The following KATNA1 variants were observed in gnomAD, a reference collection of about 807,000 sequenced individuals.
The protein encoded by KATNA1 is katanin p60 ATPase-containing subunit A1.
KATNA1 carries 42 observed loss-of-function variants against 62.6 expected under a neutral mutation model. The ratio of observed to expected loss-of-function variants is 0.67; its 90% confidence interval spans 0.52 to 0.87. KATNA1 has a LOEUF of 0.87. Ranked by LOEUF, KATNA1 falls within the 40% of genes least tolerant of loss-of-function variation. KATNA1 has a pLI of 0.00. For missense variants in KATNA1, 498 were observed against 612.5 expected, an observed-to-expected ratio of 0.81 and a Z score of 1.97; for synonymous variants, 186 against 201.9, an observed-to-expected ratio of 0.92 and a Z score of 0.67.
In KATNA1 at chr6:149,638,730, G is replaced by GTTTTTTT. The variant is rs1217719467; in HGVS notation, c.-13-177_-13-171dup. On this transcript the variant is annotated intron_variant, in intron 1 of 10. Transcript: ENST00000367411. ...ATTTCACTCCTTTAAAAAAAACATT[G>GTTTTTTT]TTTTTTTTTTTTTTTTTTTTTTTTG... The GTTTTTTT allele has an allele frequency of 8.7e-4, 87 of 99,824 alleles. 4 individuals carry two copies. The highest frequency in any genetic ancestry group is 2.0e-3 in the African/African-American group (40 of 20,024). 6.2% of individuals were successfully genotyped at this position (99,824 alleles called of 1,614,324 possible). A position where few individuals can be genotyped will look rare whatever the true frequency, so the allele number is the denominator to read the frequency against.
At chr6:149,629,727 A>C (rs1779760604) in intron 3 of KATNA1, among the ~76,000 whole-genome samples, 1 of 152,228 alleles carries the variant, frequency 6.6e-6, no homozygotes, top group African/African-American at 2.4e-5. Flanking sequence ...TGAAAAAAGA[A>C]GGGAAAAAAC....
At chr6:149,606,018 C>T (rs1404123802) in intron 4 of KATNA1, among the ~76,000 whole-genome samples, 2 of 152,072 alleles carry the variant, frequency 1.3e-5, no homozygotes, top group African/African-American at 2.4e-5. Flanking sequence ...CCTCGGCCTC[C>T]CAAAGTGCTG....
At chr6:149,629,343 ACT>A (rs1157949957) in intron 3 of KATNA1, among the ~76,000 whole-genome samples, 1 of 151,900 alleles carries the variant, frequency 6.6e-6, no homozygotes, top group Non-Finnish European at 1.5e-5. Context: ...GAGCTTACTC[ACT>A]CTCTCTGTCA....
At chr6:149,597,482 T>C in intron 9 of KATNA1, 25 bp downstream of exon 9, 1 of 1,608,278 alleles carries the variant, frequency 6.2e-7, no homozygotes, top group Non-Finnish European at 8.5e-7. Flanking sequence ...TAACAGGCTT[T>C]CTGACAAGAT....
chr6:149,616,715 T>C (rs1369687190), intron 4 of KATNA1, among the ~76,000 whole-genome samples: 3 of 151,834 alleles, frequency 2.0e-5, no homozygotes, highest in Admixed American at 6.6e-5. Context: ...GATCGCGCCA[T>C]TGCACTCCAG....
intron 3 of KATNA1, among the ~76,000 whole-genome samples, chr6:149,628,179 G>C (rs1249026416): frequency 3.3e-5 from 5 of 151,038 alleles, no homozygotes; most frequent in Non-Finnish European, 5.9e-5. Context: ...CTCACTGCAA[G>C]CTCCGCCTCC....
chr6:149,613,309 C>T (rs1483667474), intron 4 of KATNA1, among the ~76,000 whole-genome samples: 1 of 146,730 alleles, frequency 6.8e-6, no homozygotes, highest in African/African-American at 2.5e-5. Context: ...GGAACAGGAA[C>T]ACAGCAAGGA....
chr6:149,645,303 C>T (rs1180599990), intron 1 of KATNA1, among the ~76,000 whole-genome samples: 5 of 151,878 alleles, frequency 3.3e-5, no homozygotes, highest in Non-Finnish European at 7.4e-5. Flanking sequence ...ATTAGCCGGG[C>T]GTGGTGGCCA....
intron 3 of KATNA1, among the ~76,000 whole-genome samples, chr6:149,627,094 C>T (rs1384194269): frequency 2.6e-5 from 4 of 151,462 alleles, no homozygotes; most frequent in Non-Finnish European, 5.9e-5. Flanking sequence ...TAAGTGCTAT[C>T]AAGAAGAATA....
chr6:149,645,520 CACAATCT>C (rs1226578003), intron 1 of KATNA1, among the ~76,000 whole-genome samples: 1 of 148,086 alleles, frequency 6.8e-6, no homozygotes, highest in Non-Finnish European at 1.5e-5. Context: ...GAACTATAAA[CACAATCT>C]ATTGGTTCAA....
At chr6:149,633,808 T>C (rs1036333022) in intron 2 of KATNA1, among the ~76,000 whole-genome samples, 1 of 151,914 alleles carries the variant, frequency 6.6e-6, no homozygotes, top group East Asian at 1.9e-4. Context: ...TTAAATTGCA[T>C]AGCCGGGTGT....
At chr6:149,631,095 A>C (rs1779813918) in intron 3 of KATNA1, among the ~76,000 whole-genome samples, 1 of 152,142 alleles carries the variant, frequency 6.6e-6, no homozygotes, top group Non-Finnish European at 1.5e-5. Flanking sequence ...ATAATGCAGT[A>C]CCTGTATTAT....
chr6:149,605,613 C>T (rs949118353), intron 4 of KATNA1, among the ~76,000 whole-genome samples: 1 of 152,148 alleles, frequency 6.6e-6, no homozygotes, highest in African/African-American at 2.4e-5. Flanking sequence ...ATACCCAGGA[C>T]ACAATGGCAA....
In KATNA1 at chr6:149,595,114, T is replaced by G; in HGVS notation, c.1398A>C (p.Leu466Phe). 6.2e-7 allele frequency: 1 copy of G among 1,614,116 alleles called. No homozygotes were observed. Among genetic ancestry groups the G allele is most frequent in the Non-Finnish European group, 8.5e-7 (1 of 1,179,998 alleles). The change falls in exon 11 of 11, where the codon TTA becomes TTC. Residue 466 changes from leucine to phenylalanine, a missense_variant. Coordinates refer to ENST00000367411, the MANE Select transcript of KATNA1 (RefSeq NM_007044.4). The stretch of plus-strand genomic sequence containing the variant: ...CAGACACTGACTTAGAAACCTTTTT[T>G]AAAGCCATCTCGAAATCCTCCATAG... ...PTTMEDFEMA[L>F]KKVSKSVSAA...
chr6:149,632,715 T>C, intron 3 of KATNA1, 44 bp downstream of exon 3: 2 of 1,557,576 alleles, frequency 1.3e-6, no homozygotes, highest in Non-Finnish European at 1.7e-6. Context: ...ATCAATGCTA[T>C]AAGCTTCTTG....
rs545928936 is a variant in KATNA1, at chr6:149,601,837, C to T, written c.730-85G>A. The T allele has an allele frequency of 5.8e-6, 6 of 1,027,286 alleles. No homozygotes were observed. The Admixed American group carries it at 9.4e-5, about 16-fold the overall frequency. The allele number at this position is 1,027,286 out of a possible 1,614,324, so 63.6% of individuals were successfully genotyped here. A position where few individuals can be genotyped will look rare whatever the true frequency, so the allele number is the denominator to read the frequency against. On this transcript the variant is annotated intron_variant, in intron 6 of 10. Transcript: ENST00000367411. ...AGTGTCATTACTAAGTAGCAAATTT[C>T]GACCAACTTATATATAATATCAAGA...
chr6:149,597,426 A>G, intron 9 of KATNA1, 81 bp downstream of exon 9: 1 of 1,520,310 alleles, frequency 6.6e-7, no homozygotes, highest in Non-Finnish European at 9.0e-7. Context: ...CCAGAAAGTT[A>G]GTTAATAACA....
Position 149,594,948 on chromosome 6 carries a change from A to C in KATNA1, c.*88T>G. 1.1e-6 allele frequency: 1 copy of C among 920,308 alleles called. No homozygotes were observed. The highest frequency in any genetic ancestry group is 1.6e-6 in the Non-Finnish European group (1 of 627,058). The allele number at this position is 920,308 out of a possible 1,614,324, so 57.0% of individuals were successfully genotyped here. Reference sequence around the variant, plus strand: ...AAAAAATCTTACCATTATGAAAGTTAAAAAAAATATAGCACTCAGTACAAT... The same window carrying C: ...AAAAAATCTTACCATTATGAAAGTTCAAAAAAATATAGCACTCAGTACAAT... On this transcript the variant is annotated 3_prime_UTR_variant, in exon 11 of 11. Coordinates refer to ENST00000367411, the MANE Select transcript of KATNA1 (RefSeq NM_007044.4).
rs928616694 is a variant in KATNA1 at position 149,595,028 on chromosome 6, G to T, written c.*8C>A. 1.2e-6 allele frequency: 2 copies of T among 1,607,490 alleles called. No homozygotes were observed. Among genetic ancestry groups the T allele is most frequent in the Non-Finnish European group, 8.5e-7 (1 of 1,174,168 alleles). On this transcript the variant is annotated 3_prime_UTR_variant, in exon 11 of 11. Coordinates refer to ENST00000367411, the MANE Select transcript of KATNA1 (RefSeq NM_007044.4). ...AAGGCACATTTCTCACAGTTTACAT[G>T]TGAGAATTTAGCATGATCCAAACTC...
Sources: allele counts gnomAD v4.1 joint callset (sites outside exome capture counted in the v4.1 genomes callset), GRCh38; gene constraint gnomAD v4.1.1; transcripts MANE v1.5; gene names NCBI Gene and HGNC (gene_info 2026-07-23, HGNC 2026-07-21).